The following DSCAM variants were observed in gnomAD, a reference collection of about 807,000 sequenced individuals.
The protein encoded by DSCAM is cell adhesion molecule DSCAM.
In DSCAM, 47 loss-of-function variants were observed where a neutral mutation model predicts 217.7. That is an observed-to-expected ratio of 0.22 (90% CI 0.17 to 0.28). DSCAM has a LOEUF of 0.28. DSCAM is among the 10% of genes least tolerant of loss of function. The pLI is 1.00. For synonymous variants in DSCAM, 1,056 were observed against 1,015.3 expected (o/e 1.04, Z -0.76); for missense variants, 2,080 against 2,618.3 (o/e 0.79, Z 4.49).
chr21:40,580,585 T>C (rs1200316391), intron 3 of DSCAM, among the ~76,000 whole-genome samples: 2 of 151,786 alleles, frequency 1.3e-5, no homozygotes, highest in Admixed American at 1.3e-4. Context: ...AGAAGGTAGA[T>C]TTTAAAATTG....
At chr21:40,174,101 C>T (rs562690992) in intron 15 of DSCAM, among the ~76,000 whole-genome samples, 14 of 152,138 alleles carry the variant, frequency 9.2e-5, no homozygotes, top group Non-Finnish European at 2.1e-4. Context: ...ACTTCGGGTC[C>T]ATTAACAGCT....
At chr21:40,558,903 C>T (rs572275970) in intron 3 of DSCAM, among the ~76,000 whole-genome samples, 17 of 152,298 alleles carry the variant, frequency 1.1e-4, no homozygotes, top group African/African-American at 4.1e-4. Flanking sequence ...TATAAGCCCA[C>T]AAGTAGATCT....
At chr21:40,686,303 C>T (rs991892478) in intron 3 of DSCAM, among the ~76,000 whole-genome samples, 7 of 149,980 alleles carry the variant, frequency 4.7e-5, no homozygotes, top group African/African-American at 1.2e-4. Context: ...ACACCATACA[C>T]GGCACACACA....
intron 3 of DSCAM, among the ~76,000 whole-genome samples, chr21:40,636,302 T>C (rs766429183): frequency 5.1e-4 from 77 of 151,792 alleles, no homozygotes; most frequent in Non-Finnish European, 9.6e-4. Context: ...GGGCTTAGAA[T>C]GAAGATTTTA....
intron 3 of DSCAM, among the ~76,000 whole-genome samples, chr21:40,571,273 A>G (rs1230353453): frequency 6.6e-6 from 1 of 152,148 alleles, no homozygotes; most frequent in Non-Finnish European, 1.5e-5. Flanking sequence ...AAGTATAAAT[A>G]AAAAAATAAA....
intron 7 of DSCAM, among the ~76,000 whole-genome samples, chr21:40,338,907 A>G (rs2074457360): frequency 6.6e-6 from 1 of 152,240 alleles, no homozygotes; most frequent in African/African-American, 2.4e-5. Context: ...GATCTAGAGT[A>G]AAAAAGAACA....
At chr21:40,378,289 G>A (rs2074983018) in intron 3 of DSCAM, among the ~76,000 whole-genome samples, 1 of 152,128 alleles carries the variant, frequency 6.6e-6, no homozygotes, top group African/African-American at 2.4e-5. Context: ...TTTCATACAG[G>A]AGATTAGAAC....
At chr21:40,363,640 C>T (rs1357231858) in intron 4 of DSCAM, among the ~76,000 whole-genome samples, 1 of 152,096 alleles carries the variant, frequency 6.6e-6, no homozygotes, top group Non-Finnish European at 1.5e-5. Context: ...ATGTCTAAAA[C>T]ACCAAAAGCA....
intron 32 of DSCAM, among the ~76,000 whole-genome samples, chr21:40,018,969 C>T (rs1245544108): frequency 6.6e-6 from 1 of 152,194 alleles, no homozygotes; most frequent in African/African-American, 2.4e-5. Flanking sequence ...TTCTGATTAG[C>T]GTCCAAAGTA....
intron 15 of DSCAM, among the ~76,000 whole-genome samples, chr21:40,176,756 A>G (rs759980194): frequency 3.9e-5 from 6 of 152,198 alleles, no homozygotes; most frequent in Non-Finnish European, 8.8e-5. Context: ...ACCCAGATAC[A>G]ATACAAAAGG....
At chr21:40,134,520 C>A (rs1028002564) in intron 18 of DSCAM, among the ~76,000 whole-genome samples, 5 of 152,200 alleles carry the variant, frequency 3.3e-5, no homozygotes, top group Admixed American at 1.3e-4. Flanking sequence ...TCCCAAATAT[C>A]TGATCTACCC....
intron 3 of DSCAM, 137 bp from the exon 4 acceptor site, chr21:40,369,382 C>CTGAGTGTG: frequency 1.6e-5 from 8 of 508,724 alleles, no homozygotes; most frequent in East Asian, 4.0e-5. Context: ...GTGCGTGCGT[C>CTGAGTGTG]TGCGTGTGTG....
intron 1 of DSCAM, among the ~76,000 whole-genome samples, chr21:40,776,243 T>A (rs1412498672): frequency 6.6e-6 from 1 of 152,152 alleles, no homozygotes; most frequent in African/African-American, 2.4e-5. Flanking sequence ...AGAATTATAA[T>A]TTGGGGATTT....
At chr21:40,710,232 A>G (rs2146486498) in intron 1 of DSCAM, among the ~76,000 whole-genome samples, 1 of 152,268 alleles carries the variant, frequency 6.6e-6, no homozygotes, top group East Asian at 1.9e-4. Flanking sequence ...ATGTTAAAAA[A>G]GCACCATTAT....
intron 8 of DSCAM, among the ~76,000 whole-genome samples, chr21:40,335,549 T>C (rs915459309): frequency 6.6e-6 from 1 of 152,206 alleles, no homozygotes; most frequent in Non-Finnish European, 1.5e-5. Context: ...TTTAAATCTA[T>C]GTCTCCTAAA....
At chr21:40,066,818 C>T (rs2146527792) in intron 27 of DSCAM, among the ~76,000 whole-genome samples, 1 of 152,308 alleles carries the variant, frequency 6.6e-6, no homozygotes, top group African/African-American at 2.4e-5. Context: ...TGTCAAAATG[C>T]AAATGGAGTT....
intron 3 of DSCAM, chr21:40,385,039 C>G (rs2075069011): frequency 6.6e-6 from 1 of 151,892 alleles, no homozygotes; most frequent in African/African-American, 2.4e-5. Context: ...CCTAAAAAAC[C>G]CTATTATCAG....
At chr21:40,768,093 C>T (rs1012300437) in intron 1 of DSCAM, among the ~76,000 whole-genome samples, 5 of 152,190 alleles carry the variant, frequency 3.3e-5, no homozygotes, top group Non-Finnish European at 7.3e-5. Flanking sequence ...CTGTTAAAGT[C>T]GATTTTAGGG....
intron 8 of DSCAM, among the ~76,000 whole-genome samples, chr21:40,325,764 A>G (rs765136592): frequency 1.3e-5 from 2 of 152,204 alleles, no homozygotes; most frequent in Non-Finnish European, 2.9e-5. Context: ...AAATAGAAAC[A>G]CAGGTACCAG....
Sources: gnomAD v4.1 joint callset for allele counts (sites outside exome capture counted in the v4.1 genomes callset) on GRCh38, gnomAD v4.1.1 for gene constraint, MANE v1.5 for transcripts, NCBI Gene and HGNC (gene_info 2026-07-23, HGNC 2026-07-21) for gene names.